EYA4: variants seen among roughly 807,000 people sequenced by gnomAD.
EYA4 encodes EYA transcriptional coactivator and phosphatase 4.
A neutral mutation model predicts 87.9 loss-of-function variants in EYA4; 31 were observed. The observed-to-expected ratio is 0.35, with a 90% CI of 0.27 to 0.48. The LOEUF (loss-of-function observed/expected upper bound fraction) is 0.48. Among genes scored for constraint, EYA4 ranks in the 20% least tolerant of loss-of-function variants. The pLI is 0.99. For synonymous variants in EYA4, 263 were observed against 270.6 expected, an observed-to-expected ratio of 0.97 and a Z score of 0.28; for missense variants, 678 against 761.4, an observed-to-expected ratio of 0.89 and a Z score of 1.29.
intron 3 of EYA4, among the ~76,000 whole-genome samples, chr6:133,433,502 T>C (rs1384127292): frequency 6.6e-6 from 1 of 152,204 alleles, no homozygotes; most frequent in Non-Finnish European, 1.5e-5. Context: ...ACTACAGGCA[T>C]GCGCCACCAC....
chr6:133,333,058 T>C (rs904317128), intron 2 of EYA4, among the ~76,000 whole-genome samples: 4 of 152,182 alleles, frequency 2.6e-5, no homozygotes, highest in Non-Finnish European at 5.9e-5. Flanking sequence ...TCTTTCAATA[T>C]TGTGCTAAAT....
chr6:133,454,105 C>T (rs892928108), intron 5 of EYA4, among the ~76,000 whole-genome samples: 2 of 152,106 alleles, frequency 1.3e-5, no homozygotes, highest in African/African-American at 4.8e-5. Flanking sequence ...GGCTTCTAGA[C>T]CAGTTTCGTT....
intron 11 of EYA4, among the ~76,000 whole-genome samples, chr6:133,481,079 G>A (rs1180918786): frequency 6.6e-6 from 1 of 152,114 alleles, no homozygotes; most frequent in Non-Finnish European, 1.5e-5. Flanking sequence ...TTCCTAGGAG[G>A]TGGGGCTGGG....
intron 3 of EYA4, among the ~76,000 whole-genome samples, chr6:133,396,594 G>A (rs1787819726): frequency 6.6e-6 from 1 of 152,156 alleles, no homozygotes; most frequent in African/African-American, 2.4e-5. Context: ...TATGTTATGT[G>A]TGTGCTGTTG....
At chr6:133,525,637 T>TGG (rs548102434) in intron 19 of EYA4, among the ~76,000 whole-genome samples, 78 of 151,922 alleles carry the variant, frequency 5.1e-4, no homozygotes, top group African/African-American at 1.8e-3. Flanking sequence ...CAAGAAAGAT[T>TGG]GGGGGGGAGA....
At position 133,530,739 on chromosome 6, in the gene EYA4, T is replaced by C. The variant is rs1800959984; in HGVS notation, c.*1934T>C. The C allele has an allele frequency of 1.0e-6, 1 of 985,350 alleles. No individual in the cohort carries two copies. The highest frequency in any genetic ancestry group is 1.7e-5 in the African/African-American group (1 of 57,236). The allele number at this position is 985,350 out of a possible 1,614,324, so 61.0% of individuals were successfully genotyped here. A position where few individuals can be genotyped will look rare whatever the true frequency, so the allele number is the denominator to read the frequency against. The stretch of plus-strand genomic sequence containing the variant: ...AATTTTGTACAAGATTGTGATTTCA[T>C]TATCTAAACCTTAAACTTAATCCTT... On this transcript the variant is annotated 3_prime_UTR_variant, in exon 20 of 20. Coordinates refer to ENST00000355286, the MANE Select transcript of EYA4 (RefSeq NM_004100.5).
chr6:133,251,635 G>A (rs2128230673), intron 1 of EYA4, among the ~76,000 whole-genome samples: 1 of 152,138 alleles, frequency 6.6e-6, no homozygotes, highest in South Asian at 2.1e-4. Flanking sequence ...TGACATTTTG[G>A]GCTGGATAAT....
At chr6:133,398,685 C>G (rs1338470085) in intron 3 of EYA4, among the ~76,000 whole-genome samples, 1 of 152,130 alleles carries the variant, frequency 6.6e-6, no homozygotes, top group East Asian at 1.9e-4. Flanking sequence ...TGAGAAGACT[C>G]TAAGTAGAGC....
intron 12 of EYA4, 138 bp downstream of exon 12, chr6:133,481,737 A>G: frequency 1.1e-6 from 1 of 918,932 alleles, no homozygotes; most frequent in South Asian, 1.4e-5. Flanking sequence ...ACTTTGTGAT[A>G]GGCATTTTAC....
intron 5 of EYA4, among the ~76,000 whole-genome samples, chr6:133,448,789 A>G (rs899565693): frequency 5.3e-5 from 8 of 152,204 alleles, no homozygotes; most frequent in African/African-American, 1.9e-4. Context: ...ACATATAAAC[A>G]AACTTTCTCC....
At chr6:133,522,434 C>G (rs1800268699) in intron 17 of EYA4, among the ~76,000 whole-genome samples, 2 of 151,682 alleles carry the variant, frequency 1.3e-5, no homozygotes, top group African/African-American at 4.8e-5. Flanking sequence ...AACAAGTAGG[C>G]TCATGATATA....
intron 2 of EYA4, among the ~76,000 whole-genome samples, chr6:133,370,227 A>G (rs1375724055): frequency 6.6e-6 from 1 of 152,204 alleles, no homozygotes; most frequent in Non-Finnish European, 1.5e-5. Context: ...CACGCACTAC[A>G]GAACTGACTT....
At chr6:133,319,565 A>G (rs1029260382) in intron 2 of EYA4, among the ~76,000 whole-genome samples, 3 of 151,100 alleles carry the variant, frequency 2.0e-5, no homozygotes, top group African/African-American at 7.3e-5. Flanking sequence ...TTTTATATCA[A>G]CATTGCTGTA....
chr6:133,325,487 G>A (rs2128367833), intron 2 of EYA4: 1 of 152,288 alleles, frequency 6.6e-6, no homozygotes, highest in South Asian at 2.1e-4. Context: ...TCTTATTGGT[G>A]TAAACCATTT....
chr6:133,281,884 T>C (rs916183462), intron 2 of EYA4, among the ~76,000 whole-genome samples: 12 of 152,246 alleles, frequency 7.9e-5, no homozygotes, highest in African/African-American at 2.6e-4. Context: ...GTTTTTTTTT[T>C]CCTGTGTTGA....
Position 133,446,800 on chromosome 6 carries a change from T to A in EYA4, c.208+46T>A, listed in dbSNP as rs771010841. 4 of 1,595,630 alleles carry A rather than the reference T, an allele frequency of 2.5e-6. No homozygotes were observed. The African/African-American group carries it at 5.4e-5, about 21-fold the overall frequency. On this transcript the variant is annotated intron_variant, in intron 4 of 19. Transcript: ENST00000355286. ...ATACCCAGAATCATATTTCAATGTT[T>A]GCTTTAATTTTACTTCTTAGAGATC...
chr6:133,408,377 T>G (rs1406261896), intron 3 of EYA4, among the ~76,000 whole-genome samples: 1 of 152,236 alleles, frequency 6.6e-6, no homozygotes, highest in African/African-American at 2.4e-5. Context: ...ACTGTCTGCA[T>G]AGTCTTGTCC....
intron 12 of EYA4, among the ~76,000 whole-genome samples, chr6:133,482,338 A>T (rs1323625380): frequency 4.6e-5 from 7 of 152,188 alleles, no homozygotes; most frequent in Admixed American, 4.6e-4. Flanking sequence ...AACTTGACAG[A>T]TGATATAAAT....
At chr6:133,279,895 A>C (rs912406456) in intron 2 of EYA4, among the ~76,000 whole-genome samples, 1 of 152,212 alleles carries the variant, frequency 6.6e-6, no homozygotes, top group African/African-American at 2.4e-5. Context: ...GTGTTTAAAC[A>C]GTATGCTAGA....
Sources: allele counts gnomAD v4.1 joint callset (sites outside exome capture counted in the v4.1 genomes callset), GRCh38; gene constraint gnomAD v4.1.1; transcripts MANE v1.5; gene names NCBI Gene and HGNC (gene_info 2026-07-23, HGNC 2026-07-21).